The following PTPRQ variants were observed in gnomAD, a reference collection of about 807,000 sequenced individuals.
PTPRQ encodes the protein protein tyrosine phosphatase receptor type Q.
In PTPRQ, 199 loss-of-function variants were observed where a neutral mutation model predicts 246.0. That is an observed-to-expected ratio of 0.81 (90% CI 0.72 to 0.91). PTPRQ has a LOEUF of 0.91. Among genes scored for constraint, PTPRQ ranks in the 40% least tolerant of loss-of-function variants. The pLI, the probability that PTPRQ is intolerant of heterozygous loss-of-function variation, is 0.00. For missense variants in PTPRQ, 2,624 were observed against 2,528.4 expected (o/e 1.04, Z -0.81); for synonymous variants, 869 against 853.2 (o/e 1.02, Z -0.32).
intron 25 of PTPRQ, among the ~76,000 whole-genome samples, chr12:80,569,099 A>G (rs923215776): frequency 1.4e-5 from 2 of 147,054 alleles, no homozygotes; most frequent in Admixed American, 1.3e-4. Context: ...ACTGAGTTAT[A>G]GGAGTTCTTT....
chr12:80,626,410 A>C (rs1237619677), intron 33 of PTPRQ, among the ~76,000 whole-genome samples: 1 of 152,230 alleles, frequency 6.6e-6, no homozygotes, highest in Admixed American at 6.5e-5. Context: ...AGATTAAATC[A>C]GATGAATAAA....
intron 39 of PTPRQ, among the ~76,000 whole-genome samples, chr12:80,663,425 T>TA (rs1333774003): frequency 6.6e-6 from 1 of 151,948 alleles, no homozygotes; most frequent in African/African-American, 2.4e-5. Flanking sequence ...GTACTCAGCA[T>TA]AGAGAAGGGT....
At chr12:80,457,892 A>T (rs1040589168) in intron 4 of PTPRQ, among the ~76,000 whole-genome samples, 2 of 152,128 alleles carry the variant, frequency 1.3e-5, no homozygotes, top group Admixed American at 6.5e-5. Flanking sequence ...AATGAAAATT[A>T]TCCATAGACT....
intron 27 of PTPRQ, 76 bp downstream of exon 27, chr12:80,605,256 A>T: frequency 6.7e-7 from 1 of 1,490,634 alleles, no homozygotes; most frequent in Non-Finnish European, 8.9e-7. Context: ...AGACTATTTG[A>T]ATTTGAATTT....
At chr12:80,534,235 G>A in intron 18 of PTPRQ, 60 bp downstream of exon 18, 2 of 1,377,654 alleles carry the variant, frequency 1.5e-6, no homozygotes, top group Non-Finnish European at 1.9e-6. Flanking sequence ...AAAAAATCCT[G>A]CCCAGAAAAA....
chr12:80,608,772 A>C (rs1898432197), intron 27 of PTPRQ, among the ~76,000 whole-genome samples: 1 of 150,444 alleles, frequency 6.6e-6, no homozygotes, highest in South Asian at 2.1e-4. Context: ...GACATGAACC[A>C]GTAGTCAAAG....
At chr12:80,642,933 A>ACAAAC (rs1360925559) in intron 35 of PTPRQ, among the ~76,000 whole-genome samples, 2 of 144,322 alleles carry the variant, frequency 1.4e-5, no homozygotes, top group African/African-American at 5.5e-5. Flanking sequence ...AAAAAAAAAA[A>ACAAAC]AAAAAAAAAA....
intron 39 of PTPRQ, among the ~76,000 whole-genome samples, chr12:80,660,827 T>G (rs1308385829): frequency 6.6e-6 from 1 of 152,028 alleles, no homozygotes; most frequent in Non-Finnish European, 1.5e-5. Context: ...CAAAATCAAT[T>G]TATTAATATT....
chr12:80,632,735 C>T (rs1899486351), intron 34 of PTPRQ, among the ~76,000 whole-genome samples: 1 of 152,138 alleles, frequency 6.6e-6, no homozygotes, highest in Non-Finnish European at 1.5e-5. Flanking sequence ...AACCTATCAC[C>T]AAACAGTGAG....
chr12:80,621,147 A>G (rs1898970397), intron 32 of PTPRQ, among the ~76,000 whole-genome samples: 1 of 151,882 alleles, frequency 6.6e-6, no homozygotes, highest in African/African-American at 2.4e-5. Flanking sequence ...CCAAGTTAAC[A>G]TTGGAAAAAT....
At chr12:80,500,222 T>C (rs1221299648) in intron 14 of PTPRQ, among the ~76,000 whole-genome samples, 1 of 152,058 alleles carries the variant, frequency 6.6e-6, no homozygotes, top group Non-Finnish European at 1.5e-5. Context: ...GGAATTTTAA[T>C]AGGTTCAGCT....
At chr12:80,675,860 G>T (rs1017045371) in intron 43 of PTPRQ, among the ~76,000 whole-genome samples, 2 of 152,232 alleles carry the variant, frequency 1.3e-5, no homozygotes, top group East Asian at 1.9e-4. Flanking sequence ...CTAATTGTTG[G>T]CTCTGTGACT....
Position 80,616,384 on chromosome 12 carries a change from C to T in PTPRQ, c.5230+118C>T, listed in dbSNP as rs541700955. 3,342 of 897,396 alleles carry T rather than the reference C, an allele frequency of 3.7e-3. 14 individuals carry two copies. Among genetic ancestry groups the T allele is most frequent in the Non-Finnish European group, 4.3e-3 (2,835 of 666,552 alleles). 55.6% of individuals were successfully genotyped at this position (897,396 alleles called of 1,614,324 possible). ...AAGTGATAAATATGCATATATTAAG[C>T]ACATACTAAGTAAAAATGTGTGGTT... is the stretch of plus-strand genomic sequence containing the variant. On this transcript the variant is annotated intron_variant, in intron 30 of 44. Transcript: ENST00000644991.
chr12:80,511,315 G>A (rs999305198), intron 17 of PTPRQ, among the ~76,000 whole-genome samples: 1 of 151,846 alleles, frequency 6.6e-6, no homozygotes. Context: ...TTTCTTTGTT[G>A]CCTGATTCCT....
chr12:80,576,783 A>G (rs899797300), intron 25 of PTPRQ, among the ~76,000 whole-genome samples: 2 of 152,220 alleles, frequency 1.3e-5, no homozygotes, highest in African/African-American at 4.8e-5. Flanking sequence ...AATTACTTAT[A>G]GATACAGGAA....
chr12:80,449,454 C>T (rs990261658), intron 3 of PTPRQ, among the ~76,000 whole-genome samples: 1 of 152,162 alleles, frequency 6.6e-6, no homozygotes, highest in African/African-American at 2.4e-5. Flanking sequence ...CTTGCCCATG[C>T]CTATGTCCTG....
At chr12:80,501,309 G>T (rs1431823530) in intron 14 of PTPRQ, among the ~76,000 whole-genome samples, 1 of 151,972 alleles carries the variant, frequency 6.6e-6, no homozygotes, top group East Asian at 1.9e-4. Flanking sequence ...TGCTGAATAT[G>T]TTGAATGTTG....
In PTPRQ at chr12:80,542,466, A is replaced by G. The variant is rs1896184962; in HGVS notation, c.3721+102A>G. The G allele has an allele frequency of 7.0e-6, 10 of 1,422,352 alleles. 1 individual carries two copies. In the South Asian group the frequency reaches 1.2e-4, roughly 17 times the overall value. The allele number at this position is 1,422,352 out of a possible 1,614,324, so 88.1% of individuals were successfully genotyped here. ...AATATGAAAGGATATCTGATTGTCT[A>G]TTTGTAACAGCCTTACCATTATATT... On this transcript the variant is annotated intron_variant, in intron 22 of 44. Coordinates refer to ENST00000644991, the MANE Select transcript of PTPRQ (RefSeq NM_001145026.2).
intron 33 of PTPRQ, among the ~76,000 whole-genome samples, chr12:80,626,693 C>T (rs142053543): frequency 3.3e-5 from 5 of 152,254 alleles, no homozygotes; most frequent in African/African-American, 1.2e-4. Context: ...TACTTGTAAC[C>T]ACTGCACACA....
Sources: allele counts gnomAD v4.1 joint callset (sites outside exome capture counted in the v4.1 genomes callset), GRCh38; gene constraint gnomAD v4.1.1; transcripts MANE v1.5; gene names NCBI Gene and HGNC (gene_info 2026-07-23, HGNC 2026-07-21).